Variants in ARMC10 observed in about 807,000 individuals in gnomAD.
The protein encoded by ARMC10 is armadillo repeat-containing protein 10.
ARMC10 carries 23 observed loss-of-function variants against 30.2 expected under a neutral mutation model. That is an observed-to-expected ratio of 0.76 (90% CI 0.55 to 1.08). The LOEUF is 1.08. ARMC10 is among the 50% of genes least tolerant of loss of function. The probability of loss-of-function intolerance (pLI) is 0.00; values close to 1 mark genes in which losing one functional copy is unlikely to be tolerated. For missense variants in ARMC10, 303 were observed against 413.7 expected, an observed-to-expected ratio of 0.73 and a Z score of 2.32; for synonymous variants, 111 against 164.4, an observed-to-expected ratio of 0.68 and a Z score of 2.48.
intron 4 of ARMC10, among the ~76,000 whole-genome samples, chr7:103,090,662 A>G (rs1046720885): frequency 8.0e-5 from 12 of 149,854 alleles, no homozygotes; most frequent in African/African-American, 3.0e-4. Context: ...CACGCTTGCA[A>G]TTTTTTGTAT....
chr7:103,090,303 A>G (rs1801199368), intron 4 of ARMC10, among the ~76,000 whole-genome samples: 1 of 152,214 alleles, frequency 6.6e-6, no homozygotes, highest in Non-Finnish European at 1.5e-5. Context: ...AGCTAAATAA[A>G]TGCCATGTTT....
chr7:103,090,429 A>G (rs1446908041), intron 4 of ARMC10, among the ~76,000 whole-genome samples: 4 of 152,244 alleles, frequency 2.6e-5, no homozygotes, highest in African/African-American at 9.6e-5. Flanking sequence ...GGGAGCCACG[A>G]CAGGAGATTG....
intron 2 of ARMC10, 105 bp downstream of exon 2, chr7:103,075,986 C>A: frequency 1.3e-6 from 1 of 742,920 alleles, no homozygotes; most frequent in Non-Finnish European, 2.0e-6. Context: ...TACATTAAAA[C>A]CCTCCAAAGG....
chr7:103,080,535 G>GT (rs1316142854), intron 2 of ARMC10, among the ~76,000 whole-genome samples: 1 of 152,126 alleles, frequency 6.6e-6, no homozygotes, highest in African/African-American at 2.4e-5. Context: ...GATTACAGGT[G>GT]TGAGCCACCG....
At chr7:103,091,489 TA>T (rs368759754) in intron 4 of ARMC10, among the ~76,000 whole-genome samples, 132,683 of 143,794 alleles carry the variant, frequency 0.92, 60,800 homozygotes, top group East Asian at 1. Context: ...AGGGGTGAAT[TA>T]TATATATATA....
chr7:103,098,090 C>T (rs1444183478), intron 6 of ARMC10, among the ~76,000 whole-genome samples: 5 of 152,006 alleles, frequency 3.3e-5, no homozygotes, highest in African/African-American at 9.7e-5. Context: ...AGTATTACAG[C>T]GTGGGGGTAC....
chr7:103,086,903 C>G (rs1485415817), intron 4 of ARMC10, 139 bp downstream of exon 4: 1 of 1,519,250 alleles, frequency 6.6e-7, no homozygotes, highest in Non-Finnish European at 8.8e-7. Flanking sequence ...GAGAATAAGA[C>G]AGAAGAGGGA....
At chr7:103,075,443 G>T in intron 1 of ARMC10, 32 bp downstream of exon 1, 1 of 1,283,970 alleles carries the variant, frequency 7.8e-7, no homozygotes, top group South Asian at 3.5e-5. Flanking sequence ...CAGGTGGGCG[G>T]GGACTGGGCA....
At chr7:103,098,212 C>T (rs1472115337) in intron 6 of ARMC10, 87 bp from the exon 7 acceptor site, 1 of 1,161,238 alleles carries the variant, frequency 8.6e-7, no homozygotes, top group African/African-American at 1.6e-5. Context: ...GTGAGTTATT[C>T]AATGTAGTTT....
rs777810473 is a variant in ARMC10, at chr7:103,097,259, A to C, written c.706-18A>C. The C allele has an allele frequency of 6.2e-7, 1 of 1,605,914 alleles. No individual in the cohort carries two copies. The highest frequency in any genetic ancestry group is 8.5e-7 in the Non-Finnish European group (1 of 1,172,592). Reference sequence around the variant, plus strand: ...CATGCTTGCCAGTCTGAGATAAGCCAGTATCATCTTCTTTCAGGTGCAAGT... The same window carrying C: ...CATGCTTGCCAGTCTGAGATAAGCCCGTATCATCTTCTTTCAGGTGCAAGT... On this transcript the variant is annotated intron_variant, in intron 5 of 6. Coordinates refer to ENST00000323716, the MANE Select transcript of ARMC10 (RefSeq NM_031905.5).
At chr7:103,096,487 C>T (rs1801770306) in intron 5 of ARMC10, 4 of 152,140 alleles carry the variant, frequency 2.6e-5, no homozygotes, top group Admixed American at 6.6e-5. Context: ...CAAACAGTTC[C>T]AAAATTTTTA....
rs1801835070 is a variant in ARMC10 at position 103,097,286 on chromosome 7, T to G, written c.715T>G (p.Leu239Val). The G allele has an allele frequency of 6.2e-7, 1 of 1,613,912 alleles. No individual in the cohort carries two copies. The highest frequency in any genetic ancestry group is 1.3e-5 in the African/African-American group (1 of 75,056). The change falls in exon 6 of 7, where the codon TTG becomes GTG. Residue 239 changes from leucine to valine, a missense_variant. By Grantham distance (32) the Leu-to-Val change is conservative (BLOSUM62 1). Coordinates refer to ENST00000323716, the MANE Select transcript of ARMC10 (RefSeq NM_031905.5). ...TGNGNTKVQV[L>V]KLLLNLSENP... ...TATCATCTTCTTTCAGGTGCAAGTT[T>G]TGAAACTGCTTTTGAATTTGTCTGA... is the stretch of plus-strand genomic sequence containing the variant.
At chr7:103,075,945 A>G (rs1050579455) in intron 2 of ARMC10, 64 bp downstream of exon 2, 2 of 1,259,266 alleles carry the variant, frequency 1.6e-6, no homozygotes, top group African/African-American at 3.0e-5. Context: ...GGACAAATGC[A>G]TGATTCGGTT....
chr7:103,086,947 G>A, intron 4 of ARMC10, 183 bp downstream of exon 4: 1 of 1,459,210 alleles, frequency 6.9e-7, no homozygotes, highest in East Asian at 2.8e-5. Context: ...GGTACAATAA[G>A]ACTTTTGTTT....
At chr7:103,085,954 C>T (rs1426012653) in intron 3 of ARMC10, among the ~76,000 whole-genome samples, 2 of 152,092 alleles carry the variant, frequency 1.3e-5, no homozygotes, top group Non-Finnish European at 2.9e-5. Context: ...CCTGATTCTG[C>T]AAGATATCAG....
At chr7:103,078,477 G>T (rs1045175859) in intron 2 of ARMC10, among the ~76,000 whole-genome samples, 1 of 152,136 alleles carries the variant, frequency 6.6e-6, no homozygotes, top group African/African-American at 2.4e-5. Context: ...GGAAGTGTTT[G>T]CTTCCCCTTC....
rs781317683 is a variant in ARMC10, at chr7:103,092,553, T to G, written c.605T>G (p.Leu202Trp). ...NSAVQLAGLTLLTNMTVTNDH... is the reference protein window; with the variant it reads ...NSAVQLAGLTWLTNMTVTNDH... ...GCTGTGCAGCTGGCTGGACTGACAT[T>G]GTTGACAAACATGACTGTTACCAAT... Residue 202 changes from leucine to tryptophan, a missense_variant, in exon 5 of 7, where the codon TTG (leucine) becomes TGG (tryptophan). Physicochemically the swap from Leu to Trp is moderately conservative, Grantham distance 61. Coordinates refer to ENST00000323716, the MANE Select transcript of ARMC10 (RefSeq NM_031905.5). 1 of 1,610,480 alleles carries G rather than the reference T, an allele frequency of 6.2e-7. No individual in the cohort carries two copies. Among genetic ancestry groups the G allele is most frequent in the Non-Finnish European group, 8.5e-7 (1 of 1,177,080 alleles).
intron 2 of ARMC10, chr7:103,081,924 G>T: frequency 2.2e-6 from 1 of 456,644 alleles, no homozygotes; most frequent in Non-Finnish European, 4.4e-6. Flanking sequence ...TGACTTACTT[G>T]TAACTTTGAT....
chr7:103,093,801 A>G (rs1002282084), intron 5 of ARMC10, among the ~76,000 whole-genome samples: 17 of 152,228 alleles, frequency 1.1e-4, no homozygotes, highest in African/African-American at 4.1e-4. Context: ...CAGCCAGGCA[A>G]GTCTGGCCTT....
Sources: allele counts gnomAD v4.1 joint callset (sites outside exome capture counted in the v4.1 genomes callset), GRCh38; gene constraint gnomAD v4.1.1; transcripts MANE v1.5; gene names NCBI Gene and HGNC (gene_info 2026-07-23, HGNC 2026-07-21).